Variants in ZSWIM9 observed in about 807,000 individuals in gnomAD.
ZSWIM9 encodes the protein uncharacterized protein ZSWIM9.
ZSWIM9 carries 11 observed loss-of-function variants against 25.0 expected under a neutral mutation model. That is an observed-to-expected ratio of 0.44 (90% CI 0.28 to 0.73). The LOEUF is 0.73. Ranked by LOEUF, ZSWIM9 falls within the 30% of genes least tolerant of loss-of-function variation. The pLI is 0.16. For synonymous variants in ZSWIM9, 562 were observed against 582.1 expected (o/e 0.97, Z 0.50); for missense variants, 1,070 against 1,296.5 (o/e 0.83, Z 2.68).
At position 48,194,551 on chromosome 19, in the gene ZSWIM9, TGG is replaced by T. The variant is rs34897645; in HGVS notation, c.589-101_589-100del. 563,226 of 1,217,828 alleles carry T rather than the reference TGG, an allele frequency of 0.46. 129,549 individuals are homozygous for T. The highest frequency in any genetic ancestry group is 0.5 in the African/African-American group (31,633 of 62,968). 75.4% of individuals were successfully genotyped at this position (1,217,828 alleles called of 1,614,324 possible). On this transcript the variant is annotated intron_variant, in intron 3 of 3. Coordinates refer to ENST00000614654, the MANE Select transcript of ZSWIM9 (RefSeq NM_199341.4). The surrounding 1 kb of genome is among the most constrained non-coding windows in gnomAD (Gnocchi z 6.0). Reference sequence around the variant, plus strand: ...GCATATGCAGGCAAGAATGAATGGGTGGTCCCATTTCCGTAGAAGGGGAAACC... The same window carrying T: ...GCATATGCAGGCAAGAATGAATGGGTTCCCATTTCCGTAGAAGGGGAAACC...
At chr19:48,193,712 T>C (rs895786729) in intron 3 of ZSWIM9, among the ~76,000 whole-genome samples, 2 of 152,346 alleles carry the variant, frequency 1.3e-5, no homozygotes, top group Admixed American at 1.3e-4. Flanking sequence ...ACGATAATTA[T>C]AATGGCCACT....
Position 48,195,404 on chromosome 19 carries a change from C to G in ZSWIM9, c.1340C>G (p.Pro447Arg), listed in dbSNP as rs752373078. ...DAAGEAVPEG[P>R]DGGGPWLEDE... ...GCCGGGGAGGCGGTGCCCGAGGGGC[C>G]CGATGGCGGGGGGCCTTGGCTGGAG... Residue 447 changes from proline to arginine, a missense_variant, in exon 4 of 4, where the codon CCC becomes CGC. Physicochemically the swap from Pro to Arg is moderately radical, Grantham distance 103. This residue lies in a region of ZSWIM9 where 583 missense variants were observed against 624.7 expected (regional missense o/e 0.93). Transcript: ENST00000614654. The surrounding 1 kb of genome is among the most constrained non-coding windows in gnomAD (Gnocchi z 5.8). 1 of 1,468,196 alleles carries G rather than the reference C, an allele frequency of 6.8e-7. No homozygotes were observed. Among genetic ancestry groups the G allele is most frequent in the Non-Finnish European group, 8.9e-7 (1 of 1,119,862 alleles). The allele number at this position is 1,468,196 out of a possible 1,614,324, so 90.9% of individuals were successfully genotyped here. A position where few individuals can be genotyped will look rare whatever the true frequency, so the allele number is the denominator to read the frequency against.
chr19:48,192,480 A>AATAT lies in ZSWIM9; in HGVS notation c.589-2157_589-2154dup, dbSNP rs1555787871. Among the ~76,000 whole-genome samples, 54 of 17,376 alleles carry AATAT rather than the reference A, an allele frequency of 3.1e-3. 5 individuals are homozygous for AATAT. Among genetic ancestry groups the AATAT allele is most frequent in the East Asian group, 0.012 (5 of 420 alleles). 11.4% of individuals were successfully genotyped at this position (17,376 alleles called of 152,430 possible). ...AAAAAAAAAAAAAAAAAAAAAAAAA[A>AATAT]ATATATATATATATATATACACACA... On this transcript the variant is annotated intron_variant, in intron 3 of 3. Transcript: ENST00000614654.
intron 3 of ZSWIM9, among the ~76,000 whole-genome samples, chr19:48,183,274 C>T (rs376725543): frequency 3.9e-5 from 6 of 151,972 alleles, no homozygotes; most frequent in South Asian, 4.2e-4. Flanking sequence ...GACTACAGGG[C>T]GTGCCACCAC....
chr19:48,182,626 C>A lies in ZSWIM9; in HGVS notation c.447C>A (p.Arg149=). 6.5e-7 allele frequency: 1 copy of A among 1,535,830 alleles called. No homozygotes were observed. Among genetic ancestry groups the A allele is most frequent in the Non-Finnish European group, 8.7e-7 (1 of 1,146,678 alleles). Residue 149 remains arginine (R), a synonymous_variant, in exon 3 of 4, where the codon CGC becomes CGA. Transcript: ENST00000614654. The surrounding 1 kb of genome is among the most constrained non-coding windows in gnomAD (Gnocchi z 4.6). ...HLLANACLPV[R]TTNKISKQFV... is the part of the protein sequence containing the mutation. Reference sequence around the variant, plus strand: ...TGGCCAACGCCTGCCTGCCGGTGCGCACCACCAACAAGATCTCCAAGCAGT... The same window carrying A: ...TGGCCAACGCCTGCCTGCCGGTGCGAACCACCAACAAGATCTCCAAGCAGT...
intron 3 of ZSWIM9, among the ~76,000 whole-genome samples, chr19:48,184,523 T>G (rs2036989489): frequency 6.6e-6 from 1 of 151,980 alleles, no homozygotes; most frequent in Non-Finnish European, 1.5e-5. Context: ...AAGTCGAGAT[T>G]CAGCTCTGGC....
At chr19:48,190,703 C>T (rs1568581521) in intron 3 of ZSWIM9, 1 of 153,218 alleles carries the variant, frequency 6.5e-6, no homozygotes, top group Non-Finnish European at 1.5e-5. Context: ...ACTGTTTCAT[C>T]AAGGGCCGCC....
chr19:48,171,462 C>T, intron 1 of ZSWIM9: 1 of 864,210 alleles, frequency 1.2e-6, no homozygotes, highest in Non-Finnish European at 1.4e-6. Flanking sequence ...GAGGAGATGT[C>T]CTTAAGGGAC....
At chr19:48,191,092 ATGTGTG>A (rs940221946) in intron 3 of ZSWIM9, among the ~76,000 whole-genome samples, 5,562 of 96,536 alleles carry the variant, frequency 0.058, 331 homozygotes, top group African/African-American at 0.15. Flanking sequence ...GTGTATGTGT[ATGTGTG>A]TGTGTGTGTG....
Position 48,171,809 on chromosome 19 carries a change from C to T in ZSWIM9, c.7C>T (p.Arg3Trp). The change falls in exon 2 of 4, where the codon CGG becomes TGG. Residue 3 changes from arginine (R) to tryptophan (W), a missense_variant. By Grantham distance (101) the Arg-to-Trp change is moderately radical. Transcript: ENST00000614654. ME[R>W]PEPPPGTAAG... ...CTCCACGCAGGCCCCCAGGATGGAG[C>T]GGCCGGAGCCCCCACCCGGCACGGC... The T allele has an allele frequency of 6.5e-7, 1 of 1,531,458 alleles. No homozygotes were observed. Among genetic ancestry groups the T allele is most frequent in the Non-Finnish European group, 8.7e-7 (1 of 1,144,990 alleles). The allele number at this position is 1,531,458 out of a possible 1,614,324, so 94.9% of individuals were successfully genotyped here. A position where few individuals can be genotyped will look rare whatever the true frequency, so the allele number is the denominator to read the frequency against.
Position 48,182,424 on chromosome 19 carries a change from G to T in ZSWIM9, c.276-31G>T. 3 of 1,483,184 alleles carry T rather than the reference G, an allele frequency of 2.0e-6. No individual in the cohort carries two copies. Among genetic ancestry groups the T allele is most frequent in the Non-Finnish European group, 2.7e-6 (3 of 1,107,264 alleles). The allele number at this position is 1,483,184 out of a possible 1,614,324, so 91.9% of individuals were successfully genotyped here. A position where few individuals can be genotyped will look rare whatever the true frequency, so the allele number is the denominator to read the frequency against. On this transcript the variant is annotated intron_variant, in intron 2 of 3. Coordinates refer to ENST00000614654, the MANE Select transcript of ZSWIM9 (RefSeq NM_199341.4). This position sits in a 1 kb window ranked among gnomAD's most constrained non-coding sequence, Gnocchi z 4.6. ...AGGAAGAAGAGGGCAGCAGAGTGAT[G>T]TGACCAGGGCGGTGGTGGTTCCTCC...
At chr19:48,192,599 T>G (rs2037112284) in intron 3 of ZSWIM9, among the ~76,000 whole-genome samples, 1 of 149,618 alleles carries the variant, frequency 6.7e-6, no homozygotes, top group South Asian at 2.1e-4. Flanking sequence ...CTACTGCTTT[T>G]GTTTCCAATC....
intron 2 of ZSWIM9, among the ~76,000 whole-genome samples, chr19:48,178,255 A>G (rs566405709): frequency 6.6e-6 from 1 of 152,354 alleles, no homozygotes; most frequent in African/African-American, 2.4e-5. Context: ...CTTAAAATCT[A>G]GCAGGCTCCT....
In ZSWIM9 at chr19:48,197,437, G is replaced by C. The variant is rs755281642; in HGVS notation, c.*610G>C. The C allele has an allele frequency of 4.9e-6, 3 of 612,662 alleles. No individual in the cohort carries two copies. The highest frequency in any genetic ancestry group is 4.3e-4 in the Middle Eastern group (1 of 2,342). 38.0% of individuals were successfully genotyped at this position (612,662 alleles called of 1,614,324 possible). A position where few individuals can be genotyped will look rare whatever the true frequency, so the allele number is the denominator to read the frequency against. On this transcript the variant is annotated 3_prime_UTR_variant, in exon 4 of 4. Coordinates refer to ENST00000614654, the MANE Select transcript of ZSWIM9 (RefSeq NM_199341.4). ...GAGACAAAAGAAATGTGTGGGAGAC[G>C]GGTAGAGACGAAATGCAAGGGGCGT...
intron 3 of ZSWIM9, among the ~76,000 whole-genome samples, chr19:48,187,492 T>A (rs1444967333): frequency 8.1e-5 from 4 of 49,194 alleles, no homozygotes; most frequent in Non-Finnish European, 1.4e-4. Context: ...TATATTATAT[T>A]ATAATATATT....
At chr19:48,177,236 G>A (rs926271458) in intron 2 of ZSWIM9, among the ~76,000 whole-genome samples, 1 of 152,076 alleles carries the variant, frequency 6.6e-6, no homozygotes, top group Non-Finnish European at 1.5e-5. Context: ...GTTTTATGAA[G>A]GAGGGAAGAA....
At chr19:48,171,177 AGGGTCATAATCGGG>A (rs2036797920) in intron 1 of ZSWIM9, 1 of 965,382 alleles carries the variant, frequency 1.0e-6, no homozygotes, top group African/African-American at 1.8e-5. Context: ...GGCGAGCCAT[AGGGTCATAATCGGG>A]GGAAGGGGCA....
chr19:48,172,408 AG>A (rs1341680098), intron 2 of ZSWIM9, among the ~76,000 whole-genome samples: 2 of 151,918 alleles, frequency 1.3e-5, no homozygotes, highest in Non-Finnish European at 2.9e-5. Context: ...CCTAGGTTCA[AG>A]TGATTCTCCC....
intron 3 of ZSWIM9, among the ~76,000 whole-genome samples, chr19:48,191,605 C>T (rs1282770094): frequency 2.0e-5 from 3 of 152,132 alleles, no homozygotes; most frequent in South Asian, 2.1e-4. Context: ...GGTTTACTCA[C>T]GTGTCGGAAG....
Sources: allele counts gnomAD v4.1 joint callset (sites outside exome capture counted in the v4.1 genomes callset), GRCh38; gene constraint gnomAD v4.1.1; regional missense constraint gnomAD v4.1.1; non-coding constraint Gnocchi (gnomAD v3.1); transcripts MANE v1.5; gene names NCBI Gene and HGNC (gene_info 2026-07-23, HGNC 2026-07-21).